PACRGL: variants seen among roughly 807,000 people sequenced by gnomAD.
The protein encoded by PACRGL is parkin coregulated like, also known as PACRG-like protein.
A neutral mutation model predicts 34.5 loss-of-function variants in PACRGL; 38 were observed. The ratio of observed to expected loss-of-function variants is 1.10; its 90% CI spans 0.85 to 1.44. The LOEUF is 1.44. PACRGL is among the 40% of genes most tolerant of loss of function. PACRGL has a pLI of 0.00. For missense variants in PACRGL, 305 were observed against 281.4 expected (o/e 1.08, Z -0.60); for synonymous variants, 128 against 100.1 (o/e 1.28, Z -1.66).
chr4:20,699,617 A>G (rs779839937), upstream of PACRGL, among the ~76,000 whole-genome samples: 1 of 152,206 alleles, frequency 6.6e-6, no homozygotes, highest in Non-Finnish European at 1.5e-5. Flanking sequence ...CACAGCCTCG[A>G]GTGCTCAGAC....
At position 20,732,239 on chromosome 4, in the gene PACRGL, GCC is replaced by G. The variant is rs1206451519; in HGVS notation, c.*4899_*4900del. Among the ~76,000 whole-genome samples the G allele has an allele frequency of 2.0e-5, 3 of 152,166 alleles. No individual in the cohort carries two copies. The highest frequency in any genetic ancestry group is 1.3e-4 in the Admixed American group (2 of 15,262). ...GTTTTTTAGAGATAAAAATGATAGGGCCAAATGCTTCTGGCTTTTCCCTTTTC... is the reference window on the plus strand; with the variant it reads ...GTTTTTTAGAGATAAAAATGATAGGGAAATGCTTCTGGCTTTTCCCTTTTC... On this transcript the variant is annotated 3_prime_UTR_variant, in exon 9 of 9. Transcript: ENST00000503585.
intron 8 of PACRGL, among the ~76,000 whole-genome samples, chr4:20,737,692 C>A (rs1160993571): frequency 6.6e-6 from 1 of 152,184 alleles, no homozygotes; most frequent in Non-Finnish European, 1.5e-5. Context: ...AGCTCTGATA[C>A]TAAGCAGTAA....
At chr4:20,752,055 GTTT>G (rs33912651) in intron 8 of PACRGL, among the ~76,000 whole-genome samples, 1 of 121,672 alleles carries the variant, frequency 8.2e-6, no homozygotes, top group Non-Finnish European at 1.7e-5. Context: ...ACTTCATAGA[GTTT>G]TTTTTTTTTT....
Position 20,730,176 on chromosome 4 carries a change from G to C in PACRGL, c.*2835G>C, listed in dbSNP as rs564294322. 1 of 1,567,762 alleles carries C rather than the reference G, an allele frequency of 6.4e-7. No individual in the cohort carries two copies. Among genetic ancestry groups the C allele is most frequent in the Non-Finnish European group, 8.6e-7 (1 of 1,158,198 alleles). On this transcript the variant is annotated 3_prime_UTR_variant, in exon 9 of 9. Coordinates refer to ENST00000503585, the MANE Select transcript of PACRGL (RefSeq NM_001258345.3). The stretch of plus-strand genomic sequence containing the variant: ...CGATTAAATTCAGCATATCTGCAAG[G>C]AAAAGTACACTATTTTGCCCCTGAG...
At chr4:20,736,465 T>C (rs1749652945), downstream of PACRGL, among the ~76,000 whole-genome samples, 1 of 152,202 alleles carries the variant, frequency 6.6e-6, no homozygotes, top group South Asian at 2.1e-4. Context: ...TGTATGATAA[T>C]TTTATACCCT....
downstream of PACRGL, among the ~76,000 whole-genome samples, chr4:20,757,452 T>TCA (rs910847506): frequency 6.6e-6 from 1 of 152,144 alleles, no homozygotes; most frequent in African/African-American, 2.4e-5. Context: ...TGGCTTTGCA[T>TCA]CACCTCAAGG....
chr4:20,704,755 T>A lies in PACRGL; in HGVS notation c.148T>A (p.Ser50Thr). The change falls in exon 3 of 9, where the codon TCT (serine) becomes ACT (threonine). Residue 50 changes from serine to threonine, a missense_variant. Ser to Thr is a moderately conservative substitution (Grantham distance 58, BLOSUM62 1). Coordinates refer to ENST00000503585, the MANE Select transcript of PACRGL (RefSeq NM_001258345.3). ...CTCATTGTCAACCAGTTCTCCAGAGTCTGCAAGAAAACTTCATCCTAGACC... is the reference window on the plus strand; with the variant it reads ...CTCATTGTCAACCAGTTCTCCAGAGACTGCAAGAAAACTTCATCCTAGACC... ...KSSLSTSSPE[S>T]ARKLHPRPSD... 6.2e-7 allele frequency: 1 copy of A among 1,614,016 alleles called. No individual in the cohort carries two copies. The highest frequency in any genetic ancestry group is 8.5e-7 in the Non-Finnish European group (1 of 1,179,968).
At chr4:20,717,719 C>G (rs1296036641) in intron 7 of PACRGL, among the ~76,000 whole-genome samples, 1 of 152,170 alleles carries the variant, frequency 6.6e-6, no homozygotes, top group African/African-American at 2.4e-5. Context: ...CAGTACCATG[C>G]TGTTCTGGTT....
intron 1 of PACRGL, chr4:20,702,062 C>T: frequency 2.3e-6 from 1 of 440,516 alleles, no homozygotes. Flanking sequence ...CGATTTTCTA[C>T]CATGTTTAAA....
At chr4:20,710,089 A>G (rs1388325676) in intron 5 of PACRGL, among the ~76,000 whole-genome samples, 1 of 152,196 alleles carries the variant, frequency 6.6e-6, no homozygotes, top group Non-Finnish European at 1.5e-5. Context: ...TAGTGAAATA[A>G]GGAAAACATC....
At chr4:20,723,322 T>C (rs990821948) in intron 7 of PACRGL, among the ~76,000 whole-genome samples, 1 of 152,176 alleles carries the variant, frequency 6.6e-6, no homozygotes, top group Non-Finnish European at 1.5e-5. Context: ...CACTCTGCCC[T>C]CCTGTTTTGT....
chr4:20,713,852 G>T (rs1214548859), intron 7 of PACRGL, among the ~76,000 whole-genome samples: 1 of 152,132 alleles, frequency 6.6e-6, no homozygotes, highest in Non-Finnish European at 1.5e-5. Flanking sequence ...TTGCACTGTG[G>T]TCTGAGAGAC....
rs539792491 is a variant in PACRGL, at chr4:20,729,243, A to T, written c.*1902A>T. On this transcript the variant is annotated 3_prime_UTR_variant, in exon 9 of 9. Coordinates refer to ENST00000503585, the MANE Select transcript of PACRGL (RefSeq NM_001258345.3). ...AGCATTACTATATACTGGAGGATAG[A>T]TATCCTGACCCTTTGCATATGTCTG... 6.6e-6 allele frequency: 1 copy of T among 151,586 alleles called. No homozygotes were observed. Among genetic ancestry groups the T allele is most frequent in the Non-Finnish European group, 1.5e-5 (1 of 67,880 alleles). The allele number at this position is 151,586 out of a possible 1,614,324, so 9.4% of individuals were successfully genotyped here.
At chr4:20,757,308 G>A (rs62411667), downstream of PACRGL, among the ~76,000 whole-genome samples, 2,966 of 152,120 alleles carry the variant, frequency 0.019, 43 homozygotes, top group Middle Eastern at 0.031. Context: ...GCCTCCTACA[G>A]CAGTAATCTT....
downstream of PACRGL, among the ~76,000 whole-genome samples, chr4:20,736,237 T>C (rs1749597684): frequency 6.6e-6 from 1 of 152,190 alleles, no homozygotes; most frequent in Non-Finnish European, 1.5e-5. Flanking sequence ...CAGACTTCTA[T>C]ACTTTTTTTT....
chr4:20,749,820 A>G (rs1753259173), intron 8 of PACRGL: 1 of 792,732 alleles, frequency 1.3e-6, no homozygotes, highest in Non-Finnish European at 2.0e-6. Context: ...CCTTTGATCC[A>G]GAAGAATTAA....
Position 20,729,791 on chromosome 4 carries a change from C to T in PACRGL, c.*2450C>T, listed in dbSNP as rs1747474738. 1 of 287,958 alleles carries T rather than the reference C, an allele frequency of 3.5e-6. No homozygotes were observed. Among genetic ancestry groups the T allele is most frequent in the Middle Eastern group, 9.8e-4 (1 of 1,020 alleles). The allele number at this position is 287,958 out of a possible 1,614,324, so 17.8% of individuals were successfully genotyped here. On this transcript the variant is annotated 3_prime_UTR_variant, in exon 9 of 9. Coordinates refer to ENST00000503585, the MANE Select transcript of PACRGL (RefSeq NM_001258345.3). ...TGATATGTGAAAGCCTCAATAATCC[C>T]ATGGCTAAGGAACCAATAAAACTAT...
intron 8 of PACRGL, among the ~76,000 whole-genome samples, chr4:20,725,305 A>G (rs1237330559): frequency 1.3e-5 from 2 of 152,092 alleles, no homozygotes; most frequent in African/African-American, 4.8e-5. Context: ...AGACGTCCAG[A>G]TGATTACACT....
intron 7 of PACRGL, among the ~76,000 whole-genome samples, chr4:20,717,023 A>G (rs1054952748): frequency 6.6e-6 from 1 of 152,178 alleles, no homozygotes; most frequent in Non-Finnish European, 1.5e-5. Context: ...AATGATTGCC[A>G]TTCTAACTGG....
Sources: allele counts gnomAD v4.1 joint callset (sites outside exome capture counted in the v4.1 genomes callset), GRCh38; gene constraint gnomAD v4.1.1; transcripts MANE v1.5; gene names NCBI Gene and HGNC (gene_info 2026-07-23, HGNC 2026-07-21).